The following DOCK4 variants were observed in gnomAD, a reference collection of about 807,000 sequenced individuals.
DOCK4 encodes dedicator of cytokinesis protein 4.
In DOCK4, 97 loss-of-function variants were observed where a neutral mutation model predicts 268.1. The observed-to-expected ratio is 0.36, with a 90% confidence interval of 0.31 to 0.43. The LOEUF (loss-of-function observed/expected upper bound fraction) is 0.43. Among genes scored for constraint, DOCK4 ranks in the 20% least tolerant of loss-of-function variants. The pLI, the probability that DOCK4 is intolerant of heterozygous loss-of-function variation, is 1.00. For synonymous variants in DOCK4, 954 were observed against 887.2 expected (o/e 1.08, Z -1.34); for missense variants, 2,145 against 2,455.7 (o/e 0.87, Z 2.67).
chr7:111,961,777 G>T (rs6976237), intron 8 of DOCK4, among the ~76,000 whole-genome samples: 44 of 152,232 alleles, frequency 2.9e-4, no homozygotes, highest in African/African-American at 1.0e-3. Flanking sequence ...AAACGTAACT[G>T]TCAGTTCATG....
chr7:112,127,304 G>A (rs558566618), intron 1 of DOCK4, among the ~76,000 whole-genome samples: 32 of 150,114 alleles, frequency 2.1e-4, no homozygotes, highest in East Asian at 9.9e-4. Flanking sequence ...GTAAACTATC[G>A]CAAGGACAAA....
intron 1 of DOCK4, among the ~76,000 whole-genome samples, chr7:112,114,955 G>C (rs1811992231): frequency 6.6e-6 from 1 of 152,106 alleles, no homozygotes; most frequent in African/African-American, 2.4e-5. Flanking sequence ...GGGACCCCTA[G>C]ACTCCACCTT....
Position 111,989,075 on chromosome 7 carries a change from G to A in DOCK4, c.404C>T (p.Thr135Ile), listed in dbSNP as rs777907926. The change falls in exon 6 of 53, where the codon ACC (threonine) becomes ATC (isoleucine). Residue 135 changes from threonine (T) to isoleucine (I), a missense_variant. By Grantham distance (89) the Thr-to-Ile change is moderately conservative. Transcript: ENST00000428084. ...LRRQVLVGHL[T>I]HDRMKDVKRH... Reference sequence around the variant, plus strand: ...CTTCACGTCCTTCATCCGGTCGTGGGTGAGGTGGCCCACCAGCACCTGCCG... The same window carrying A: ...CTTCACGTCCTTCATCCGGTCGTGGATGAGGTGGCCCACCAGCACCTGCCG... 6.2e-7 allele frequency: 1 copy of A among 1,613,982 alleles called. No individual in the cohort carries two copies.
chr7:112,035,046 T>C (rs1803631739), intron 1 of DOCK4, among the ~76,000 whole-genome samples: 2 of 152,198 alleles, frequency 1.3e-5, no homozygotes, highest in Admixed American at 1.3e-4. Context: ...CACACGGAGA[T>C]GGTCAACCCA....
chr7:111,948,417 A>C (rs1795793938), intron 8 of DOCK4, among the ~76,000 whole-genome samples: 1 of 152,168 alleles, frequency 6.6e-6, no homozygotes, highest in African/African-American at 2.4e-5. Context: ...ACTGAGATAA[A>C]GGAAAAGCCA....
At chr7:111,919,997 T>C (rs912424394) in intron 12 of DOCK4, among the ~76,000 whole-genome samples, 7 of 152,024 alleles carry the variant, frequency 4.6e-5, no homozygotes, top group African/African-American at 1.7e-4. Flanking sequence ...AGAAACAACA[T>C]AATGAAGACT....
At chr7:112,171,565 G>A (rs192975881) in intron 1 of DOCK4, among the ~76,000 whole-genome samples, 1 of 151,956 alleles carries the variant, frequency 6.6e-6, no homozygotes, top group East Asian at 1.9e-4. Flanking sequence ...TAATGTAATG[G>A]AACATGGTGA....
At chr7:112,197,970 G>GA (rs10525534) in intron 1 of DOCK4, among the ~76,000 whole-genome samples, 72,337 of 110,956 alleles carry the variant, frequency 0.65, 23,885 homozygotes, top group Non-Finnish European at 0.75. Flanking sequence ...GACCTGCCTA[G>GA]AAAAAAAAAA....
At chr7:111,754,880 C>T (rs1208971405) in intron 42 of DOCK4, among the ~76,000 whole-genome samples, 2 of 152,230 alleles carry the variant, frequency 1.3e-5, no homozygotes, top group African/African-American at 4.8e-5. Context: ...CTCAGTGAGA[C>T]TAATACGCTG....
rs1283131279 is a variant in DOCK4, at chr7:112,066,607, C to T, written c.38-62476G>A. Among the ~76,000 whole-genome samples, 9 of 123,376 alleles carry T rather than the reference C, an allele frequency of 7.3e-5. 2 individuals carry two copies. The highest frequency in any genetic ancestry group is 2.4e-4 in the African/African-American group (6 of 25,356). 80.9% of individuals were successfully genotyped at this position (123,376 alleles called of 152,430 possible). A position where few individuals can be genotyped will look rare whatever the true frequency, so the allele number is the denominator to read the frequency against. ...ATATATACACATATACATATATACACGTGTATACATATATACGTGTATATA... is the reference window on the plus strand; with the variant it reads ...ATATATACACATATACATATATACATGTGTATACATATATACGTGTATATA... On this transcript the variant is annotated intron_variant, in intron 1 of 52. Transcript: ENST00000428084.
intron 1 of DOCK4, among the ~76,000 whole-genome samples, chr7:112,095,856 C>A (rs1810079931): frequency 6.6e-6 from 1 of 152,068 alleles, no homozygotes; most frequent in Non-Finnish European, 1.5e-5. Flanking sequence ...CTGAGGCAGG[C>A]AGATCTCCTG....
chr7:111,760,435 A>G (rs930296178), intron 39 of DOCK4, 113 bp from the exon 40 acceptor site: 9 of 1,107,764 alleles, frequency 8.1e-6, no homozygotes, highest in South Asian at 1.6e-5. Context: ...CCAAGACACT[A>G]TAACAAAAAT....
rs150921037 is a variant in DOCK4 at position 111,733,317 on chromosome 7, G to C, written c.5420-1030C>G. 2.2e-3 allele frequency among the ~76,000 whole-genome samples: 336 copies of C among 152,292 alleles called. 4 individuals carry two copies. Among genetic ancestry groups the C allele is most frequent in the African/African-American group, 7.9e-3 (327 of 41,552 alleles). ...GATGGCAGCCCTGCCAGTTAACTTG[G>C]GAGGGGTAAGGTCATCTGTGTGCTC... is the stretch of plus-strand genomic sequence containing the variant. On this transcript the variant is annotated intron_variant, in intron 51 of 52. Transcript: ENST00000428084.
chr7:111,734,080 G>T (rs1000358127), intron 51 of DOCK4, among the ~76,000 whole-genome samples: 3 of 152,054 alleles, frequency 2.0e-5, no homozygotes, highest in African/African-American at 7.3e-5. Flanking sequence ...TAGGACTAGA[G>T]GTGTGTGCCA....
chr7:111,755,710 C>A, intron 41 of DOCK4, 109 bp from the exon 42 acceptor site: 1 of 969,146 alleles, frequency 1.0e-6, no homozygotes, highest in Non-Finnish European at 1.6e-6. Context: ...TTCCTGTCAG[C>A]CTTTCTTTAG....
intron 26 of DOCK4, among the ~76,000 whole-genome samples, chr7:111,833,572 G>C (rs1350824977): frequency 6.6e-6 from 1 of 151,620 alleles, no homozygotes; most frequent in Non-Finnish European, 1.5e-5. Flanking sequence ...TTCAATGTAA[G>C]AATGAAAAAC....
chr7:111,994,182 T>C lies in DOCK4; in HGVS notation c.268A>G (p.Thr90Ala), dbSNP rs915698770. 45 of 1,608,750 alleles carry C rather than the reference T, an allele frequency of 2.8e-5. No individual in the cohort carries two copies. Among genetic ancestry groups the C allele is most frequent in the Non-Finnish European group, 3.8e-5 (45 of 1,176,814 alleles). Reference protein sequence around the residue: ...PTEDSVITEMTSTLRDWGTMW... With the variant: ...PTEDSVITEMASTLRDWGTMW... Reference sequence around the variant, plus strand: ...GTTCCCCAGTCTCTTAATGTTGATGTCATTTCTGTGATAACAGAGTCTTCA... The same window carrying C: ...GTTCCCCAGTCTCTTAATGTTGATGCCATTTCTGTGATAACAGAGTCTTCA... Residue 90 changes from threonine to alanine, a missense_variant, in exon 5 of 53, where the codon ACA becomes GCA. This residue lies in a region of DOCK4 where 1,598 missense variants were observed against 1,986.7 expected (regional missense o/e 0.80). Transcript: ENST00000428084.
chr7:112,168,339 C>T (rs7777071), intron 1 of DOCK4, among the ~76,000 whole-genome samples: 105,861 of 152,082 alleles, frequency 0.7, 37,081 homozygotes, highest in Non-Finnish European at 0.73. Context: ...CCTGGACATG[C>T]TGTTTGGAGC....
chr7:111,751,983 T>A (rs1165014364), intron 42 of DOCK4, among the ~76,000 whole-genome samples: 1 of 152,176 alleles, frequency 6.6e-6, no homozygotes, highest in Non-Finnish European at 1.5e-5. Context: ...TGGTCTAAAA[T>A]GCAGAATAAA....
Sources: allele counts gnomAD v4.1 joint callset (sites outside exome capture counted in the v4.1 genomes callset), GRCh38; gene constraint gnomAD v4.1.1; regional missense constraint gnomAD v4.1.1; transcripts MANE v1.5; gene names NCBI Gene and HGNC (gene_info 2026-07-23, HGNC 2026-07-21).